The following NSUN6 variants were observed in gnomAD, a reference collection of about 807,000 sequenced individuals.
NSUN6 encodes tRNA (cytosine(72)-C(5))-methyltransferase NSUN6.
In NSUN6, 64 loss-of-function variants were observed where a neutral mutation model predicts 58.0. The ratio of observed to expected loss-of-function variants is 1.10; its 90% CI spans 0.90 to 1.36. The LOEUF is 1.36. NSUN6 is among the 40% of genes most tolerant of loss of function. The probability of loss-of-function intolerance (pLI) is 0.00; values close to 1 mark genes in which losing one functional copy is unlikely to be tolerated. For synonymous variants in NSUN6, 231 were observed against 193.9 expected (o/e 1.19, Z -1.59); for missense variants, 701 against 550.1 (o/e 1.27, Z -2.74).
intron 6 of NSUN6, among the ~76,000 whole-genome samples, chr10:18,605,414 G>A (rs1554872445): frequency 6.6e-6 from 1 of 152,134 alleles, no homozygotes; most frequent in Non-Finnish European, 1.5e-5. Context: ...TTATATTGAA[G>A]TGCCCATTCC....
chr10:18,559,654 C>A (rs1007726459), intron 8 of NSUN6, among the ~76,000 whole-genome samples: 1 of 142,072 alleles, frequency 7.0e-6, no homozygotes, highest in African/African-American at 2.6e-5. Flanking sequence ...AAGAATCTTA[C>A]GGAGACGGCA....
At chr10:18,638,370 A>G (rs1156672171) in intron 3 of NSUN6, among the ~76,000 whole-genome samples, 1 of 152,124 alleles carries the variant, frequency 6.6e-6, no homozygotes, top group African/African-American at 2.4e-5. Context: ...TGAACCCAGG[A>G]GGCGGAGGTT....
At chr10:18,631,206 C>T (rs1390853051) in intron 3 of NSUN6, among the ~76,000 whole-genome samples, 13 of 152,026 alleles carry the variant, frequency 8.6e-5, no homozygotes, top group East Asian at 1.9e-4. Context: ...TTCAATAACC[C>T]TTCATGCTAA....
rs543590055 is a variant in NSUN6, at chr10:18,604,402, A to G, written c.657+5443T>C. ...GTAAAATGTGAAGGGATGCTCTTCA[A>G]TTTTAGAGACTGAAGCTTCTCAGAT... is the stretch of plus-strand genomic sequence containing the variant. On this transcript the variant is annotated intron_variant, in intron 6 of 10. Coordinates refer to ENST00000377304, the MANE Select transcript of NSUN6 (RefSeq NM_182543.5). Among the ~76,000 whole-genome samples, 5 of 152,288 alleles carry G rather than the reference A, an allele frequency of 3.3e-5. No individual in the cohort carries two copies. In the South Asian group the frequency reaches 6.2e-4, roughly 19 times the overall value.
At chr10:18,549,239 C>A (rs1347324111) in intron 9 of NSUN6, among the ~76,000 whole-genome samples, 2 of 152,180 alleles carry the variant, frequency 1.3e-5, no homozygotes, top group African/African-American at 4.8e-5. Flanking sequence ...TGTTGCCTCT[C>A]TGACCTCCTC....
chr10:18,547,237 G>A (rs2054328001), intron 10 of NSUN6, among the ~76,000 whole-genome samples: 1 of 152,198 alleles, frequency 6.6e-6, no homozygotes, highest in African/African-American at 2.4e-5. Flanking sequence ...TGTTAATGAA[G>A]ATAGGTTTTC....
At chr10:18,563,736 T>A (rs552136358) in intron 8 of NSUN6, among the ~76,000 whole-genome samples, 34 of 150,382 alleles carry the variant, frequency 2.3e-4, no homozygotes, top group African/African-American at 8.4e-4. Flanking sequence ...CATTCTCCAT[T>A]CCATTCCATT....
chr10:18,645,578 GC>G (rs1188308753), intron 2 of NSUN6, among the ~76,000 whole-genome samples: 1 of 152,130 alleles, frequency 6.6e-6, no homozygotes, highest in Non-Finnish European at 1.5e-5. Context: ...AATTTTTATT[GC>G]TGAAGGATTC....
chr10:18,561,532 A>AC (rs2130874444), intron 8 of NSUN6, among the ~76,000 whole-genome samples: 1 of 123,066 alleles, frequency 8.1e-6, no homozygotes, highest in East Asian at 3.0e-4. Flanking sequence ...GAATACAGTG[A>AC]TAAATAGGCT....
intron 10 of NSUN6, among the ~76,000 whole-genome samples, chr10:18,547,288 G>A (rs1477677503): frequency 6.6e-6 from 1 of 152,220 alleles, no homozygotes; most frequent in Non-Finnish European, 1.5e-5. Flanking sequence ...TTATCCCATG[G>A]AGGTCAGGGG....
chr10:18,613,292 T>C (rs2058300419), intron 5 of NSUN6, among the ~76,000 whole-genome samples: 1 of 152,130 alleles, frequency 6.6e-6, no homozygotes, highest in African/African-American at 2.4e-5. Context: ...AGATGGGCTT[T>C]CACCGTGTTG....
chr10:18,557,873 G>GTGGAA (rs1417893825), intron 8 of NSUN6, among the ~76,000 whole-genome samples: 1 of 150,482 alleles, frequency 6.6e-6, no homozygotes, highest in Non-Finnish European at 1.5e-5. Context: ...GGAATGGAGC[G>GTGGAA]TGGAATGGAA....
Position 18,651,471 on chromosome 10 carries a change from C to T in NSUN6, c.-268G>A, listed in dbSNP as rs1242237205. The T allele has an allele frequency of 2.6e-6, 3 of 1,157,776 alleles. No homozygotes were observed. The highest frequency in any genetic ancestry group is 3.2e-6 in the Non-Finnish European group (3 of 941,130). 71.7% of individuals were successfully genotyped at this position (1,157,776 alleles called of 1,614,324 possible). A position where few individuals can be genotyped will look rare whatever the true frequency, so the allele number is the denominator to read the frequency against. ...CATGGAAATCACTGAGCCAATGCCA[C>T]TCACGTTGCAAAGAACCAAAAAAAG... is the stretch of plus-strand genomic sequence containing the variant. On this transcript the variant is annotated 5_prime_UTR_variant, in exon 1 of 11. It adds an upstream start codon to the 5' untranslated region. Transcript: ENST00000377304.
chr10:18,570,095 A>G (rs2056250549), intron 8 of NSUN6, among the ~76,000 whole-genome samples: 1 of 144,268 alleles, frequency 6.9e-6, no homozygotes, highest in Non-Finnish European at 1.5e-5. Context: ...TCCACTGCCC[A>G]TTCTATTCTA....
chr10:18,613,610 A>G (rs1034769691), intron 5 of NSUN6, among the ~76,000 whole-genome samples: 1 of 152,198 alleles, frequency 6.6e-6, no homozygotes, highest in Non-Finnish European at 1.5e-5. Context: ...ATATATGCAC[A>G]TAATCTTTAT....
At chr10:18,593,854 T>C (rs1249219572) in intron 7 of NSUN6, among the ~76,000 whole-genome samples, 2 of 150,854 alleles carry the variant, frequency 1.3e-5, no homozygotes, top group Non-Finnish European at 2.9e-5. Context: ...TGCAGGTGTA[T>C]TGCAGAACTT....
chr10:18,644,680 CA>C (rs1222664390), intron 2 of NSUN6, among the ~76,000 whole-genome samples: 17 of 145,572 alleles, frequency 1.2e-4, no homozygotes, highest in South Asian at 4.3e-4. Context: ...ACTAAAAATA[CA>C]AAAAAAAAAT....
At chr10:18,561,820 A>G (rs1224548049) in intron 8 of NSUN6, among the ~76,000 whole-genome samples, 2 of 150,822 alleles carry the variant, frequency 1.3e-5, no homozygotes, top group Non-Finnish European at 3.0e-5. Context: ...AGTGGTGAAT[A>G]GAATGGAATG....
intron 8 of NSUN6, among the ~76,000 whole-genome samples, chr10:18,573,152 T>C (rs111217445): frequency 1.3e-5 from 2 of 150,430 alleles, no homozygotes; most frequent in Non-Finnish European, 3.0e-5. Flanking sequence ...ACTCTCCATT[T>C]CATTCCATTC....
Sources: gnomAD v4.1 joint callset for allele counts (sites outside exome capture counted in the v4.1 genomes callset) on GRCh38, gnomAD v4.1.1 for gene constraint, MANE v1.5 for transcripts, NCBI Gene and HGNC (gene_info 2026-07-23, HGNC 2026-07-21) for gene names.